Variants in KHDRBS2 observed in about 807,000 individuals in gnomAD.
KHDRBS2 encodes KH RNA binding domain containing, signal transduction associated 2.
KHDRBS2 carries 26 observed loss-of-function variants against 44.3 expected under a neutral mutation model. That is an observed-to-expected ratio of 0.59 (90% CI 0.43 to 0.81). The LOEUF (loss-of-function observed/expected upper bound fraction) is 0.81. Among genes scored for constraint, KHDRBS2 ranks in the 40% least tolerant of loss-of-function variants. The pLI, the probability that KHDRBS2 is intolerant of heterozygous loss-of-function variation, is 0.00. For missense variants in KHDRBS2, 476 were observed against 433.1 expected, an observed-to-expected ratio of 1.10 and a Z score of -0.88; for synonymous variants, 194 against 151.1, an observed-to-expected ratio of 1.28 and a Z score of -2.08.
intron 4 of KHDRBS2, among the ~76,000 whole-genome samples, chr6:61,952,978 G>T (rs1400162383): frequency 6.6e-6 from 1 of 151,604 alleles, no homozygotes; most frequent in African/African-American, 2.4e-5. Context: ...ATATGCCTTA[G>T]AACTTACTCT....
chr6:62,210,855 A>T (rs547262304), intron 1 of KHDRBS2, among the ~76,000 whole-genome samples: 7 of 152,304 alleles, frequency 4.6e-5, no homozygotes, highest in Non-Finnish European at 8.8e-5. Flanking sequence ...AATAAAGATA[A>T]GAAAGTGAGG....
chr6:62,109,452 C>A (rs1804480089), intron 2 of KHDRBS2, among the ~76,000 whole-genome samples: 1 of 151,422 alleles, frequency 6.6e-6, no homozygotes, highest in Admixed American at 6.6e-5. Context: ...ATCAACATTG[C>A]CAGGGAAATC....
At chr6:62,043,312 C>T (rs1584326556) in intron 3 of KHDRBS2, among the ~76,000 whole-genome samples, 3 of 152,168 alleles carry the variant, frequency 2.0e-5, no homozygotes, top group Admixed American at 1.3e-4. Flanking sequence ...CCAGTGAAAC[C>T]AGCAGCTTTG....
chr6:61,675,468 A>G (rs1244370015), downstream of KHDRBS2, among the ~76,000 whole-genome samples: 1 of 151,708 alleles, frequency 6.6e-6, no homozygotes, highest in Non-Finnish European at 1.5e-5. Flanking sequence ...ATTTTGTGAC[A>G]ACTTTATTTA....
chr6:62,130,629 C>G (rs1810077826), intron 2 of KHDRBS2, among the ~76,000 whole-genome samples: 1 of 151,656 alleles, frequency 6.6e-6, no homozygotes, highest in African/African-American at 2.4e-5. Flanking sequence ...ATAGATGCTC[C>G]TCAGCTTACA....
chr6:62,007,104 TA>T (rs1179125748), intron 3 of KHDRBS2, among the ~76,000 whole-genome samples: 1 of 152,084 alleles, frequency 6.6e-6, no homozygotes, highest in East Asian at 1.9e-4. Flanking sequence ...GCTCCCATTA[TA>T]ACCACAAGGG....
chr6:61,548,681 G>T, the KHDRBS2 span, among the ~76,000 whole-genome samples: 1 of 152,018 alleles, frequency 6.6e-6, no homozygotes, highest in Non-Finnish European at 1.5e-5. Flanking sequence ...GTCCAAATGG[G>T]TGACTACTAG....
chr6:61,601,565 C>A, the KHDRBS2 span, among the ~76,000 whole-genome samples: 1 of 152,094 alleles, frequency 6.6e-6, no homozygotes, highest in Non-Finnish European at 1.5e-5. Context: ...AGGTGCCTGA[C>A]GTCCAGGCAT....
In KHDRBS2 at chr6:62,139,442, AC is replaced by A. The variant is rs377377668; in HGVS notation, c.219+37742del. On this transcript the variant is annotated intron_variant, in intron 2 of 8. Transcript: ENST00000281156. ...GTGGCGGGCACCTGTAGTCCCAGTT[AC>A]TTGGGAGGCTGAGGCAGGAGAATGG... Among the ~76,000 whole-genome samples the A allele has an allele frequency of 3.8e-3, 582 of 151,938 alleles. 2 individuals carry two copies. The highest frequency in any genetic ancestry group is 0.014 in the African/African-American group (563 of 41,434).
intron 7 of KHDRBS2, among the ~76,000 whole-genome samples, chr6:61,723,974 A>G (rs1773131873): frequency 6.6e-6 from 1 of 152,102 alleles, no homozygotes; most frequent in South Asian, 2.1e-4. Context: ...CCCCAGTAAG[A>G]TACTCCATGA....
chr6:62,054,934 CAT>C (rs1789923451), intron 2 of KHDRBS2, among the ~76,000 whole-genome samples: 1 of 151,958 alleles, frequency 6.6e-6, no homozygotes, highest in Non-Finnish European at 1.5e-5. Context: ...TAATATATAG[CAT>C]AATAGGCTAT....
intron 1 of KHDRBS2, among the ~76,000 whole-genome samples, chr6:62,249,615 C>T (rs176601): frequency 0.8 from 121,218 of 151,902 alleles, 48,999 homozygotes; most frequent in African/African-American, 0.93. Flanking sequence ...AACAAAAAAA[C>T]TAACTTTCAC....
At chr6:61,721,136 G>A (rs954250478) in intron 7 of KHDRBS2, among the ~76,000 whole-genome samples, 7 of 151,720 alleles carry the variant, frequency 4.6e-5, no homozygotes, top group Admixed American at 1.3e-4. Context: ...CCATTGATCT[G>A]TATCTCTGTT....
chr6:61,856,694 T>C (rs1796202416), intron 6 of KHDRBS2, among the ~76,000 whole-genome samples: 1 of 151,972 alleles, frequency 6.6e-6, no homozygotes, highest in Non-Finnish European at 1.5e-5. Context: ...ACTGAGTTGG[T>C]ATGTTGTTTT....
the KHDRBS2 span, among the ~76,000 whole-genome samples, chr6:61,573,288 A>T: frequency 6.6e-6 from 1 of 152,194 alleles, no homozygotes; most frequent in Non-Finnish European, 1.5e-5. Flanking sequence ...TACAAGGAAA[A>T]CTACAAAACA....
At chr6:61,739,100 A>C (rs1775796065) in intron 6 of KHDRBS2, among the ~76,000 whole-genome samples, 1 of 151,952 alleles carries the variant, frequency 6.6e-6, no homozygotes, top group East Asian at 1.9e-4. Context: ...TATAACTAAA[A>C]TATAGAATTT....
chr6:62,034,864 A>G (rs1000759417), intron 3 of KHDRBS2, among the ~76,000 whole-genome samples: 3 of 151,990 alleles, frequency 2.0e-5, no homozygotes, highest in African/African-American at 7.2e-5. Context: ...ATATGTAAGT[A>G]GCAAACGAAT....
chr6:62,199,606 A>C (rs1471285253), intron 1 of KHDRBS2, among the ~76,000 whole-genome samples: 5 of 152,080 alleles, frequency 3.3e-5, no homozygotes, highest in Admixed American at 6.6e-5. Context: ...AATGGAAGAA[A>C]ATTCCATGCT....
chr6:61,731,531 G>A (rs1472681882), intron 7 of KHDRBS2, among the ~76,000 whole-genome samples: 1 of 151,866 alleles, frequency 6.6e-6, no homozygotes, highest in Admixed American at 6.6e-5. Context: ...CTCAGGCCAC[G>A]GAAAATCCAA....
Sources: gnomAD v4.1 joint callset for allele counts (sites outside exome capture counted in the v4.1 genomes callset) on GRCh38, gnomAD v4.1.1 for gene constraint, MANE v1.5 for transcripts, NCBI Gene and HGNC (gene_info 2026-07-23, HGNC 2026-07-21) for gene names.